Variants in EHMT1 observed in about 807,000 individuals in gnomAD.
EHMT1 encodes histone-lysine N-methyltransferase EHMT1.
A neutral mutation model predicts 147.2 loss-of-function variants in EHMT1; 15 were observed. The ratio of observed to expected loss-of-function variants is 0.10; its 90% confidence interval spans 0.07 to 0.16. EHMT1 has a LOEUF of 0.16. Among genes scored for constraint, EHMT1 ranks in the 10% least tolerant of loss-of-function variants. EHMT1 has a pLI of 1.00. For synonymous variants in EHMT1, 795 were observed against 709.6 expected, an observed-to-expected ratio of 1.12 and a Z score of -1.91; for missense variants, 1,587 against 1,772.4, an observed-to-expected ratio of 0.90 and a Z score of 1.88.
At chr9:137,682,343 TC>T (rs970276292) in intron 1 of EHMT1, among the ~76,000 whole-genome samples, 11 of 152,124 alleles carry the variant, frequency 7.2e-5, no homozygotes, top group Non-Finnish European at 1.6e-4. Context: ...TGTTGTTTTT[TC>T]CCCCCAGTAC....
chr9:137,740,315 C>T (rs531164981), intron 4 of EHMT1, among the ~76,000 whole-genome samples: 15 of 152,266 alleles, frequency 9.9e-5, no homozygotes, highest in Admixed American at 6.5e-4. Flanking sequence ...CCTGAAGCCC[C>T]CCCCTCGCCC....
rs746238847 is a variant in EHMT1, at chr9:137,762,808, C to T, written c.1635C>T (p.Ser545=). 5 of 1,614,174 alleles carry T rather than the reference C, an allele frequency of 3.1e-6. No individual in the cohort carries two copies. Among genetic ancestry groups the T allele is most frequent in the East Asian group, 2.2e-5 (1 of 44,884 alleles). The change falls in exon 10 of 27, where the codon AGC becomes AGT. Residue 545 remains serine (S), a synonymous_variant. Transcript: ENST00000460843. ...ACAACCAGTGCATGGCTACAGAGAG[C>T]GTGGACCATGAAGTAAGCACGTTTG... is the stretch of plus-strand genomic sequence containing the variant. ...LANNQCMATE[S]VDHELGRCTN...
intron 18 of EHMT1, chr9:137,802,528 A>G (rs117891427): frequency 0.017 from 6,819 of 398,622 alleles, 72 homozygotes; most frequent in South Asian, 0.04. Flanking sequence ...TAAATCTCCA[A>G]TGTGCTGAAG....
chr9:137,643,807 T>A (rs555156908), intron 1 of EHMT1, among the ~76,000 whole-genome samples: 3 of 152,262 alleles, frequency 2.0e-5, no homozygotes, highest in African/African-American at 7.2e-5. Flanking sequence ...CTGATGGTGA[T>A]GTGTGTAGGT....
chr9:137,739,754 G>A (rs954461359), intron 4 of EHMT1, among the ~76,000 whole-genome samples: 10 of 152,244 alleles, frequency 6.6e-5, no homozygotes, highest in African/African-American at 2.4e-4. Flanking sequence ...CAGAGTGGAG[G>A]CCCTGCCTTT....
chr9:137,661,984 T>C (rs1423066802), intron 1 of EHMT1, among the ~76,000 whole-genome samples: 1 of 152,124 alleles, frequency 6.6e-6, no homozygotes, highest in African/African-American at 2.4e-5. Context: ...ATATTTTTAG[T>C]AGAGACGAGG....
chr9:137,815,904 G>A (rs745919477), intron 22 of EHMT1, 43 bp from the exon 23 acceptor site: 4 of 1,491,162 alleles, frequency 2.7e-6, no homozygotes, highest in South Asian at 2.4e-5. Context: ...CAATTAAAGA[G>A]TGAGTAACCT....
intron 16 of EHMT1, among the ~76,000 whole-genome samples, chr9:137,794,332 T>G (rs949099485): frequency 6.6e-6 from 1 of 152,228 alleles, no homozygotes; most frequent in Non-Finnish European, 1.5e-5. Context: ...GATTTCTGGC[T>G]GTAGAATTGC....
intron 1 of EHMT1, among the ~76,000 whole-genome samples, chr9:137,705,025 T>A (rs1174550111): frequency 2.7e-5 from 4 of 150,884 alleles, no homozygotes; most frequent in Non-Finnish European, 5.9e-5. Flanking sequence ...TCTTCCTCTG[T>A]CACCCAGGCT....
intron 4 of EHMT1, among the ~76,000 whole-genome samples, chr9:137,739,836 A>G (rs1947895869): frequency 6.6e-6 from 1 of 152,150 alleles, no homozygotes; most frequent in Non-Finnish European, 1.5e-5. Flanking sequence ...CTGATCCTGA[A>G]TGGCCTGGGG....
chr9:137,662,884 C>T (rs907737140), intron 1 of EHMT1, among the ~76,000 whole-genome samples: 1 of 151,958 alleles, frequency 6.6e-6, no homozygotes, highest in African/African-American at 2.4e-5. Context: ...GCCTCTGCCT[C>T]CTGGGTTCCA....
At chr9:137,792,212 CAGAAAT>C (rs1362353583) in intron 16 of EHMT1, 2 of 412,282 alleles carry the variant, frequency 4.9e-6, no homozygotes, top group African/African-American at 4.2e-5. Flanking sequence ...GGCATAAAGA[CAGAAAT>C]AGAGACCAAT....
intron 18 of EHMT1, among the ~76,000 whole-genome samples, chr9:137,807,455 A>G (rs1954040373): frequency 6.6e-6 from 1 of 151,108 alleles, no homozygotes; most frequent in African/African-American, 2.4e-5. Context: ...TATAGAATAC[A>G]GTTATACCAA....
chr9:137,719,411 A>G (rs1289322008), intron 3 of EHMT1, among the ~76,000 whole-genome samples: 2 of 151,988 alleles, frequency 1.3e-5, no homozygotes, highest in South Asian at 4.1e-4. Flanking sequence ...CTGGCTCCTC[A>G]GGGGCCCACA....
intron 4 of EHMT1, 41 bp from the exon 5 acceptor site, chr9:137,743,330 T>C: frequency 6.4e-7 from 1 of 1,550,480 alleles, no homozygotes; most frequent in Non-Finnish European, 8.7e-7. Flanking sequence ...GGTGTTTCTT[T>C]TCCTTTCTTG....
chr9:137,833,663 A>C (rs538722392), intron 25 of EHMT1, among the ~76,000 whole-genome samples: 1 of 152,228 alleles, frequency 6.6e-6, no homozygotes, highest in African/African-American at 2.4e-5. Flanking sequence ...GGCCAGTGCC[A>C]GGGGCCAGGG....
intron 4 of EHMT1, among the ~76,000 whole-genome samples, chr9:137,737,263 C>T (rs1947620536): frequency 6.6e-6 from 1 of 152,172 alleles, no homozygotes; most frequent in Admixed American, 6.6e-5. Flanking sequence ...AAACTTACTA[C>T]AAAGCTATAG....
chr9:137,728,200 T>C (rs193160945), intron 3 of EHMT1, 149 bp from the exon 4 acceptor site: 65 of 1,153,576 alleles, frequency 5.6e-5, no homozygotes, highest in Non-Finnish European at 8.2e-5. Context: ...CTGTGCTGTT[T>C]CCGCTTGCAG....
chr9:137,659,130 C>A (rs1050093098), intron 1 of EHMT1, among the ~76,000 whole-genome samples: 7 of 152,054 alleles, frequency 4.6e-5, no homozygotes, highest in Non-Finnish European at 8.8e-5. Context: ...GTTGTGCCAT[C>A]AAATACTAGA....
Sources: allele counts gnomAD v4.1 joint callset (sites outside exome capture counted in the v4.1 genomes callset), GRCh38; gene constraint gnomAD v4.1.1; transcripts MANE v1.5; gene names NCBI Gene and HGNC (gene_info 2026-07-23, HGNC 2026-07-21).